SYNPR: variants seen among roughly 807,000 people sequenced by gnomAD.
SYNPR encodes the protein synaptoporin.
A neutral mutation model predicts 32.9 loss-of-function variants in SYNPR; 23 were observed. The observed-to-expected ratio is 0.70, with a 90% CI of 0.50 to 0.99. The LOEUF (loss-of-function observed/expected upper bound fraction) is 0.99, where lower values mean the gene tolerates loss of function less well. Among genes scored for constraint, SYNPR ranks in the 50% least tolerant of loss-of-function variants. The pLI is 0.00. For missense variants in SYNPR, 318 were observed against 349.3 expected (o/e 0.91, Z 0.71); for synonymous variants, 146 against 135.9 (o/e 1.07, Z -0.52).
At chr3:63,402,798 T>A (rs2088310002) in intron 2 of SYNPR, among the ~76,000 whole-genome samples, 1 of 152,236 alleles carries the variant, frequency 6.6e-6, no homozygotes, top group African/African-American at 2.4e-5. Context: ...GAATATTTGT[T>A]GCACAAATAA....
intron 2 of SYNPR, among the ~76,000 whole-genome samples, chr3:63,261,674 A>G (rs2086439200): frequency 6.7e-6 from 1 of 149,850 alleles, no homozygotes; most frequent in African/African-American, 2.5e-5. Context: ...TATGTAACTA[A>G]CCTGCACATC....
intron 3 of SYNPR, among the ~76,000 whole-genome samples, chr3:63,553,752 G>T (rs954013163): frequency 6.6e-6 from 1 of 151,982 alleles, no homozygotes; most frequent in East Asian, 1.9e-4. Context: ...ACGGAGTTTC[G>T]CTCTTGTTGC....
chr3:63,363,797 A>G (rs550590937), intron 2 of SYNPR, among the ~76,000 whole-genome samples: 7 of 152,308 alleles, frequency 4.6e-5, no homozygotes, highest in African/African-American at 1.7e-4. Context: ...TAGAATGTTC[A>G]TACTTTCAGG....
chr3:63,274,225 A>G (rs1489224282), upstream of SYNPR, among the ~76,000 whole-genome samples: 1 of 152,222 alleles, frequency 6.6e-6, no homozygotes, highest in East Asian at 1.9e-4. Context: ...CACAAAAGAC[A>G]TGGGAATATG....
chr3:63,595,765 ATATAATTT>A (rs1699935972), intron 4 of SYNPR, among the ~76,000 whole-genome samples: 2 of 40,684 alleles, frequency 4.9e-5, no homozygotes, highest in Non-Finnish European at 8.5e-5. Flanking sequence ...ATATATATAT[ATATAATTT>A]TATATATATA....
chr3:63,584,630 C>T (rs534397913), intron 4 of SYNPR, among the ~76,000 whole-genome samples: 5 of 152,116 alleles, frequency 3.3e-5, no homozygotes, highest in Admixed American at 2.0e-4. Flanking sequence ...GGGTTGAAAT[C>T]GGGTCCGTGG....
At chr3:63,447,904 C>T (rs146235045) in intron 2 of SYNPR, among the ~76,000 whole-genome samples, 16 of 152,262 alleles carry the variant, frequency 1.1e-4, no homozygotes, top group Non-Finnish European at 1.9e-4. Context: ...AGTGGATGAT[C>T]ATGACATTAT....
intron 4 of SYNPR, among the ~76,000 whole-genome samples, chr3:63,584,473 A>G (rs1703147698): frequency 6.6e-6 from 1 of 152,050 alleles, no homozygotes; most frequent in African/African-American, 2.4e-5. Flanking sequence ...TTGGCTGGGT[A>G]TACAGGAACT....
intron 1 of SYNPR, among the ~76,000 whole-genome samples, chr3:63,233,495 A>G (rs572931126): frequency 1.8e-4 from 27 of 152,214 alleles, no homozygotes; most frequent in Middle Eastern, 3.4e-3. Context: ...TGACTTTACC[A>G]CATATGGATA....
Position 63,450,121 on chromosome 3 carries a change from C to T in SYNPR, c.85-30711C>T, listed in dbSNP as rs567104387. 2.6e-5 allele frequency among the ~76,000 whole-genome samples: 4 copies of T among 152,304 alleles called. No homozygotes were observed. In the South Asian group the frequency reaches 8.3e-4, roughly 32 times the overall value. On this transcript the variant is annotated intron_variant, in intron 2 of 5. Coordinates refer to ENST00000478300, the MANE Select transcript of SYNPR (RefSeq NM_001130003.2). The stretch of plus-strand genomic sequence containing the variant: ...GATCTACAGGCTTGGCTTTCTTACT[C>T]AGCATTTATTAGCTGAGTGGTTTTG...
intron 2 of SYNPR, among the ~76,000 whole-genome samples, chr3:63,433,790 C>T (rs1038461399): frequency 2.0e-5 from 3 of 152,056 alleles, no homozygotes; most frequent in African/African-American, 7.2e-5. Context: ...AGAAATTTTG[C>T]CAGCTAAATG....
intron 3 of SYNPR, among the ~76,000 whole-genome samples, chr3:63,535,689 T>G (rs538590691): frequency 2.0e-5 from 3 of 151,530 alleles, no homozygotes; most frequent in Non-Finnish European, 4.4e-5. Context: ...AAAAAAATAG[T>G]CTTTTCAACA....
At chr3:63,529,620 GA>G (rs1400938665) in intron 3 of SYNPR, among the ~76,000 whole-genome samples, 1 of 152,184 alleles carries the variant, frequency 6.6e-6, no homozygotes, top group African/African-American at 2.4e-5. Flanking sequence ...GAAATCCATA[GA>G]AGTTGATGTC....
chr3:63,494,642 C>T (rs1347076495), intron 3 of SYNPR, among the ~76,000 whole-genome samples: 7 of 151,546 alleles, frequency 4.6e-5, no homozygotes, highest in African/African-American at 1.7e-4. Flanking sequence ...TCACATAACA[C>T]ATATTATACC....
intron 2 of SYNPR, among the ~76,000 whole-genome samples, chr3:63,460,267 T>G (rs945513340): frequency 2.0e-5 from 3 of 152,208 alleles, no homozygotes; most frequent in South Asian, 2.1e-4. Flanking sequence ...CTTACATCAC[T>G]GCTTTATGCA....
chr3:63,452,066 C>T (rs1700388734), intron 2 of SYNPR: 1 of 702,210 alleles, frequency 1.4e-6, no homozygotes, highest in Non-Finnish European at 2.6e-6. Context: ...TGCCTTCACA[C>T]TCAAAGAAAG....
chr3:63,550,844 C>A (rs777980910), intron 3 of SYNPR, among the ~76,000 whole-genome samples: 1 of 152,212 alleles, frequency 6.6e-6, no homozygotes, highest in Non-Finnish European at 1.5e-5. Flanking sequence ...TATAATTTGG[C>A]CACCTGGCCA....
At chr3:63,572,811 A>G (rs1202774536) in intron 4 of SYNPR, among the ~76,000 whole-genome samples, 1 of 152,172 alleles carries the variant, frequency 6.6e-6, no homozygotes, top group Non-Finnish European at 1.5e-5. Context: ...TACTTTATGC[A>G]TATTCACTTT....
intron 4 of SYNPR, among the ~76,000 whole-genome samples, chr3:63,558,018 A>G (rs79938111): frequency 0.038 from 5,829 of 152,284 alleles, 415 homozygotes; most frequent in African/African-American, 0.13. Flanking sequence ...GAGAGACTGC[A>G]TTAGTTCTCA....
Sources: gnomAD v4.1 joint callset for allele counts (sites outside exome capture counted in the v4.1 genomes callset) on GRCh38, gnomAD v4.1.1 for gene constraint, MANE v1.5 for transcripts, NCBI Gene and HGNC (gene_info 2026-07-23, HGNC 2026-07-21) for gene names.